SNAP91: variants seen among roughly 807,000 people sequenced by gnomAD.
SNAP91 encodes the protein synaptosome associated protein 91, also known as clathrin coat assembly protein AP180.
In SNAP91, 27 loss-of-function variants were observed where a neutral mutation model predicts 100.3. The ratio of observed to expected loss-of-function variants is 0.27; its 90% confidence interval spans 0.20 to 0.37. The LOEUF (loss-of-function observed/expected upper bound fraction) is 0.37. Among genes scored for constraint, SNAP91 ranks in the 10% least tolerant of loss-of-function variants. SNAP91 has a pLI of 1.00. For missense variants in SNAP91, 986 were observed against 1,123.7 expected (o/e 0.88, Z 1.75); for synonymous variants, 404 against 398.6 (o/e 1.01, Z -0.16).
At chr6:83,695,083 C>A (rs1006929006) in intron 2 of SNAP91, among the ~76,000 whole-genome samples, 2 of 151,792 alleles carry the variant, frequency 1.3e-5, no homozygotes, top group Non-Finnish European at 2.9e-5. Flanking sequence ...ACCAGCCTGA[C>A]CAACATGGTG....
At position 83,593,209 on chromosome 6, in the gene SNAP91, C is replaced by G; in HGVS notation, c.1747G>C (p.Ala583Pro). The G allele has an allele frequency of 6.3e-7, 1 of 1,595,960 alleles. No individual in the cohort carries two copies. The highest frequency in any genetic ancestry group is 8.5e-7 in the Non-Finnish European group (1 of 1,170,786). ...EVAAAPKPDA[A>P]PSIDLFSTDA... ...GTACTAAACAGGTCTATGCTAGGAG[C>G]AGCATCTGGCTTAGGCGCTGCAGCA... The change falls in exon 19 of 30, where the codon GCT (alanine) becomes CCT (proline). Residue 583 changes from alanine (A) to proline (P), a missense_variant. Transcript: ENST00000369694.
Position 83,553,646 on chromosome 6 carries a change from G to A in SNAP91, c.*650C>T, listed in dbSNP as rs1367665304. 3.3e-5 allele frequency: 5 copies of A among 152,008 alleles called. No homozygotes were observed. Among genetic ancestry groups the A allele is most frequent in the South Asian group, 4.2e-4 (2 of 4,814 alleles). The allele number at this position is 152,008 out of a possible 1,614,324, so 9.4% of individuals were successfully genotyped here. A position where few individuals can be genotyped will look rare whatever the true frequency, so the allele number is the denominator to read the frequency against. The stretch of plus-strand genomic sequence containing the variant: ...GGGGATTCTTCCCATACGATTTTTC[G>A]TTCTTGATAAGGTAGCTTCAAAGAG... On this transcript the variant is annotated 3_prime_UTR_variant, in exon 30 of 30. Coordinates refer to ENST00000369694, the MANE Select transcript of SNAP91 (RefSeq NM_001242792.2).
intron 2 of SNAP91, chr6:83,679,043 C>CCA (rs999243237): frequency 1.1e-4 from 33 of 293,434 alleles, no homozygotes; most frequent in African/African-American, 1.9e-4. Context: ...AAGAAAACCA[C>CCA]CACACACACA....
chr6:83,663,598 T>C (rs1413200199), intron 3 of SNAP91, among the ~76,000 whole-genome samples: 5 of 151,610 alleles, frequency 3.3e-5, no homozygotes, highest in Non-Finnish European at 7.4e-5. Flanking sequence ...CTGAGAGAGG[T>C]GAGGAAACTG....
At chr6:83,610,534 A>G in intron 12 of SNAP91, 116 bp downstream of exon 12, 1 of 336,772 alleles carries the variant, frequency 3.0e-6, no homozygotes, top group Non-Finnish European at 5.7e-6. Flanking sequence ...AAATGGATAG[A>G]GAGGATGGTT....
chr6:83,688,734 ACCTTGTGAT>A (rs1427715612), intron 2 of SNAP91, among the ~76,000 whole-genome samples: 1 of 151,936 alleles, frequency 6.6e-6, no homozygotes, highest in African/African-American at 2.4e-5. Context: ...TGATCTCTTG[ACCTTGTGAT>A]CCACCCACTT....
Position 83,593,214 on chromosome 6 carries a change from T to A in SNAP91, c.1742A>T (p.Asp581Val). The A allele has an allele frequency of 6.3e-7, 1 of 1,596,970 alleles. No homozygotes were observed. Among genetic ancestry groups the A allele is most frequent in the East Asian group, 2.3e-5 (1 of 44,438 alleles). Residue 581 changes from aspartate (D) to valine (V), a missense_variant, in exon 19 of 30, where the codon GAT becomes GTT. Transcript: ENST00000369694. ...AAACAGGTCTATGCTAGGAGCAGCA[T>A]CTGGCTTAGGCGCTGCAGCAACTTC... ...TPEVAAAPKP[D>V]AAPSIDLFST...
At chr6:83,678,587 A>T (rs886538833) in intron 2 of SNAP91, among the ~76,000 whole-genome samples, 28 of 152,150 alleles carry the variant, frequency 1.8e-4, no homozygotes, top group Non-Finnish European at 4.4e-5. Context: ...GGCATTTGGG[A>T]CTTTTCTCCT....
At chr6:83,589,190 T>A (rs1007618078) in intron 22 of SNAP91, among the ~76,000 whole-genome samples, 1 of 152,184 alleles carries the variant, frequency 6.6e-6, no homozygotes, top group Non-Finnish European at 1.5e-5. Context: ...GTATGAAGTT[T>A]ATTGGTTTAG....
intron 7 of SNAP91, among the ~76,000 whole-genome samples, chr6:83,648,967 T>C (rs113931008): frequency 0.012 from 1,758 of 152,344 alleles, 23 homozygotes; most frequent in Middle Eastern, 0.024. Context: ...CTTTCTCTTT[T>C]ATAGTTCATG....
chr6:83,617,619 T>C (rs906195489), intron 9 of SNAP91, among the ~76,000 whole-genome samples: 1 of 151,338 alleles, frequency 6.6e-6, no homozygotes, highest in South Asian at 2.1e-4. Flanking sequence ...TTTATATGTA[T>C]AATAAAGTAA....
At chr6:83,650,638 G>A (rs2098162252) in intron 7 of SNAP91, among the ~76,000 whole-genome samples, 1 of 152,032 alleles carries the variant, frequency 6.6e-6, no homozygotes, top group Admixed American at 6.6e-5. Flanking sequence ...GGCTGGTCTC[G>A]AACCCCTGAC....
At chr6:83,575,862 T>C (rs1264772585) in intron 25 of SNAP91, among the ~76,000 whole-genome samples, 161 bp downstream of exon 25, 1 of 152,168 alleles carries the variant, frequency 6.6e-6, no homozygotes, top group African/African-American at 2.4e-5. Context: ...TCCAGTAGAA[T>C]AACAACAAAA....
intron 11 of SNAP91, among the ~76,000 whole-genome samples, chr6:83,611,632 CAAT>C (rs1215691797): frequency 6.6e-6 from 1 of 151,588 alleles, no homozygotes; most frequent in Non-Finnish European, 1.5e-5. Context: ...GAATTTTGTA[CAAT>C]ATTATGAATT....
chr6:83,614,249 TAATAA>T (rs1295521167), intron 11 of SNAP91, among the ~76,000 whole-genome samples: 1 of 152,100 alleles, frequency 6.6e-6, no homozygotes, highest in Non-Finnish European at 1.5e-5. Context: ...CCCACATAAA[TAATAA>T]AATAAATTTC....
chr6:83,669,555 C>T (rs1433744052), intron 2 of SNAP91, among the ~76,000 whole-genome samples: 1 of 150,756 alleles, frequency 6.6e-6, no homozygotes, highest in Non-Finnish European at 1.5e-5. Flanking sequence ...TTTTGACAAA[C>T]CTATACACTC....
intron 2 of SNAP91, among the ~76,000 whole-genome samples, chr6:83,691,776 G>T (rs1019299704): frequency 6.6e-6 from 1 of 151,880 alleles, no homozygotes; most frequent in Admixed American, 6.6e-5. Context: ...AATAATCTTC[G>T]TTAACAAAAA....
At chr6:83,669,527 A>C (rs2098746308) in intron 2 of SNAP91, among the ~76,000 whole-genome samples, 1 of 152,016 alleles carries the variant, frequency 6.6e-6, no homozygotes, top group Non-Finnish European at 1.5e-5. Context: ...ACATATGTAA[A>C]GTGTACTATT....
chr6:83,708,757 C>G (rs945335707), intron 1 of SNAP91, 88 bp downstream of exon 1: 1 of 152,268 alleles, frequency 6.6e-6, no homozygotes, highest in African/African-American at 2.4e-5. Context: ...TCGGCCGCTG[C>G]CCTTCTCCGC....
Sources: gnomAD v4.1 joint callset for allele counts (sites outside exome capture counted in the v4.1 genomes callset) on GRCh38, gnomAD v4.1.1 for gene constraint, MANE v1.5 for transcripts, NCBI Gene and HGNC (gene_info 2026-07-23, HGNC 2026-07-21) for gene names.